The following PDK1 variants were observed in gnomAD, a reference collection of about 807,000 sequenced individuals.
PDK1 encodes the protein [Pyruvate dehydrogenase (acetyl-transferring)] kinase isozyme 1, mitochondrial.
A neutral mutation model predicts 54.2 loss-of-function variants in PDK1; 39 were observed. The observed-to-expected ratio is 0.72, with a 90% CI of 0.56 to 0.94. PDK1 has a LOEUF of 0.94. PDK1 is among the 40% of genes least tolerant of loss of function. The pLI, the probability that PDK1 is intolerant of heterozygous loss-of-function variation, is 0.00. For synonymous variants in PDK1, 221 were observed against 207.1 expected, an observed-to-expected ratio of 1.07 and a Z score of -0.58; for missense variants, 552 against 566.0, an observed-to-expected ratio of 0.98 and a Z score of 0.25.
At chr2:172,575,890 TTCCTGAGC>T (rs1201524852) in intron 8 of PDK1, among the ~76,000 whole-genome samples, 1 of 152,144 alleles carries the variant, frequency 6.6e-6, no homozygotes, top group East Asian at 1.9e-4. Context: ...TGTCCATTTC[TTCCTGAGC>T]TCCTGAGCTG....
chr2:172,702,938 C>A, the PDK1 span, among the ~76,000 whole-genome samples: 207 of 152,188 alleles, frequency 1.4e-3, 1 homozygote, highest in African/African-American at 4.7e-3. Flanking sequence ...GTGTGTCCCC[C>A]CAAAATATCA....
chr2:172,611,596 A>G (rs1362525014), downstream of PDK1, among the ~76,000 whole-genome samples: 1 of 152,218 alleles, frequency 6.6e-6, no homozygotes, highest in African/African-American at 2.4e-5. Context: ...ACCAAACACA[A>G]TACAAAAAAG....
At chr2:172,555,440 C>G (rs1353095561), upstream of PDK1, 1 of 152,178 alleles carries the variant, frequency 6.6e-6, no homozygotes, top group Non-Finnish European at 1.5e-5. Flanking sequence ...CTCAAAGGCA[C>G]AGAGCCAGTA....
the PDK1 span, among the ~76,000 whole-genome samples, chr2:172,721,234 A>G: frequency 1.3e-5 from 2 of 152,228 alleles, no homozygotes; most frequent in Non-Finnish European, 2.9e-5. Context: ...TGGGTTCAAG[A>G]AAAATTATGA....
intron 8 of PDK1, among the ~76,000 whole-genome samples, chr2:172,579,647 C>T (rs1467992658): frequency 6.7e-6 from 1 of 150,338 alleles, no homozygotes; most frequent in Non-Finnish European, 1.5e-5. Flanking sequence ...TACAATTCCT[C>T]TTCCTTCTTA....
At chr2:172,706,274 T>G in the PDK1 span, among the ~76,000 whole-genome samples, 1 of 152,232 alleles carries the variant, frequency 6.6e-6, no homozygotes, top group Non-Finnish European at 1.5e-5. Context: ...TGCCTTTTTT[T>G]TTTTCAGTCA....
chr2:172,634,049 T>C, the PDK1 span, among the ~76,000 whole-genome samples: 1 of 150,652 alleles, frequency 6.6e-6, no homozygotes, highest in East Asian at 1.9e-4. Flanking sequence ...CTAATTTTTG[T>C]ATATTTAGTA....
At chr2:172,608,856 G>A (rs991026695), downstream of PDK1, among the ~76,000 whole-genome samples, 11 of 152,132 alleles carry the variant, frequency 7.2e-5, no homozygotes, top group Non-Finnish European at 1.3e-4. Flanking sequence ...GCTTTTGTAG[G>A]TCCTGGAATT....
At chr2:172,696,366 A>G in the PDK1 span, among the ~76,000 whole-genome samples, 1 of 152,160 alleles carries the variant, frequency 6.6e-6, no homozygotes, top group Non-Finnish European at 1.5e-5. Context: ...TTTTAGGCCA[A>G]TAACTCTGTG....
intron 1 of PDK1, among the ~76,000 whole-genome samples, chr2:172,557,513 A>C (rs1397807104): frequency 1.3e-5 from 2 of 152,174 alleles, no homozygotes; most frequent in Non-Finnish European, 2.9e-5. Flanking sequence ...TTCAGTAACC[A>C]GACAATTGAA....
chr2:172,677,026 A>C, the PDK1 span: 1 of 152,368 alleles, frequency 6.6e-6, no homozygotes, highest in South Asian at 2.1e-4. Context: ...ATATTTTAAA[A>C]TTAAGATACG....
the PDK1 span, among the ~76,000 whole-genome samples, chr2:172,641,364 C>G: frequency 1.3e-5 from 2 of 151,984 alleles, no homozygotes; most frequent in Admixed American, 1.3e-4. Context: ...AACTCCTGGC[C>G]TCAAGTGATC....
rs775237058 is a variant in PDK1, at chr2:172,566,852, C to T, written c.692-4C>T. 9.4e-6 allele frequency: 15 copies of T among 1,597,606 alleles called. No individual in the cohort carries two copies. The highest frequency in any genetic ancestry group is 1.2e-5 in the Non-Finnish European group (14 of 1,166,644). Reference sequence around the variant, plus strand: ...CTTTTTTGTTTTGTTTTGATTCACACTAGATGGCTATGAAAATGCTAGGCG... The same window carrying T: ...CTTTTTTGTTTTGTTTTGATTCACATTAGATGGCTATGAAAATGCTAGGCG... On this transcript the variant is annotated splice_polypyrimidine_tract_variant and splice_region_variant and intron_variant, in intron 5 of 10. Transcript: ENST00000282077.
chr2:172,660,487 G>A, the PDK1 span, among the ~76,000 whole-genome samples: 2 of 151,706 alleles, frequency 1.3e-5, no homozygotes, highest in Non-Finnish European at 2.9e-5. Flanking sequence ...GCACTCCTGA[G>A]CTCAGGCAAT....
chr2:172,661,080 G>A, the PDK1 span, among the ~76,000 whole-genome samples: 4 of 152,168 alleles, frequency 2.6e-5, no homozygotes, highest in African/African-American at 9.7e-5. Context: ...GGACCTACAA[G>A]GTGAGGAAGT....
the PDK1 span, among the ~76,000 whole-genome samples, chr2:172,711,576 T>G: frequency 6.6e-6 from 1 of 152,134 alleles, no homozygotes; most frequent in Non-Finnish European, 1.5e-5. Flanking sequence ...TCAAGACAGC[T>G]CTCTATGGCT....
chr2:172,670,831 T>TTGA, the PDK1 span, among the ~76,000 whole-genome samples: 1 of 152,172 alleles, frequency 6.6e-6, no homozygotes, highest in Non-Finnish European at 1.5e-5. Context: ...ATAAGAGGGA[T>TTGA]TGATAGTCCA....
At chr2:172,631,728 G>C in the PDK1 span, among the ~76,000 whole-genome samples, 1 of 152,072 alleles carries the variant, frequency 6.6e-6, no homozygotes, top group Non-Finnish European at 1.5e-5. Flanking sequence ...AGGATATAAG[G>C]ACAGGAAAAC....
the PDK1 span, among the ~76,000 whole-genome samples, chr2:172,690,545 T>A: frequency 6.7e-6 from 1 of 150,068 alleles, no homozygotes; most frequent in South Asian, 2.1e-4. Context: ...TAAAGACACA[T>A]GCACATGTTT....
Sources: gnomAD v4.1 joint callset for allele counts (sites outside exome capture counted in the v4.1 genomes callset) on GRCh38, gnomAD v4.1.1 for gene constraint, MANE v1.5 for transcripts, NCBI Gene and HGNC (gene_info 2026-07-23, HGNC 2026-07-21) for gene names.